ARSG: variants seen among roughly 807,000 people sequenced by gnomAD.
ARSG encodes arylsulfatase G, also known as ASG.
ARSG carries 37 observed loss-of-function variants against 50.5 expected under a neutral mutation model. The ratio of observed to expected loss-of-function variants is 0.73; its 90% confidence interval spans 0.56 to 0.96. The LOEUF is 0.96. Among genes scored for constraint, ARSG ranks in the 50% least tolerant of loss-of-function variants. The probability of loss-of-function intolerance (pLI) is 0.00; values close to 1 mark genes in which losing one functional copy is unlikely to be tolerated. For synonymous variants in ARSG, 225 were observed against 254.6 expected (o/e 0.88, Z 1.11); for missense variants, 629 against 675.3 (o/e 0.93, Z 0.76).
At chr17:68,345,722 C>T (rs1210996057) in intron 3 of ARSG, among the ~76,000 whole-genome samples, 1 of 152,144 alleles carries the variant, frequency 6.6e-6, no homozygotes, top group Admixed American at 6.6e-5. Flanking sequence ...TCCACTTTTC[C>T]CCCTTTCACA....
intron 2 of ARSG, among the ~76,000 whole-genome samples, chr17:68,315,114 G>A (rs1555768049): frequency 6.6e-6 from 1 of 152,192 alleles, no homozygotes; most frequent in Non-Finnish European, 1.5e-5. Flanking sequence ...CACGCCCAGA[G>A]TTGGTGAGTG....
At chr17:68,336,621 G>A (rs1001486695) in intron 2 of ARSG, among the ~76,000 whole-genome samples, 1 of 152,168 alleles carries the variant, frequency 6.6e-6, no homozygotes, top group Non-Finnish European at 1.5e-5. Flanking sequence ...GGGAGGCCAG[G>A]GCGGGAGGAT....
In ARSG at chr17:68,381,927, G is replaced by A. The variant is rs760843667; in HGVS notation, c.983-3137G>A. 5.3e-5 allele frequency among the ~76,000 whole-genome samples: 8 copies of A among 151,440 alleles called. No homozygotes were observed. The highest frequency in any genetic ancestry group is 1.5e-4 in the African/African-American group (6 of 41,204). On this transcript the variant is annotated intron_variant, in intron 8 of 11. Coordinates refer to ENST00000621439, the MANE Select transcript of ARSG (RefSeq NM_001267727.2). The surrounding 1 kb of genome is among the most constrained non-coding windows in gnomAD (Gnocchi z 4.1). Reference sequence around the variant, plus strand: ...GTGCTGGCTGTGTAGTCAGACCGGCGTTCACATCTTGGCTCTATCATTTTC... The same window carrying A: ...GTGCTGGCTGTGTAGTCAGACCGGCATTCACATCTTGGCTCTATCATTTTC...
At chr17:68,339,947 G>T (rs1568488344) in intron 2 of ARSG, among the ~76,000 whole-genome samples, 1 of 152,154 alleles carries the variant, frequency 6.6e-6, no homozygotes, top group Non-Finnish European at 1.5e-5. Flanking sequence ...TATTAGCTGG[G>T]GGATGGGTTG....
At chr17:68,320,543 C>T (rs2077242865) in intron 2 of ARSG, among the ~76,000 whole-genome samples, 1 of 152,176 alleles carries the variant, frequency 6.6e-6, no homozygotes, top group South Asian at 2.1e-4. Context: ...CAAAAGCCCT[C>T]ACTCTCCGGG....
At chr17:68,433,775 T>TG in the ARSG span, among the ~76,000 whole-genome samples, 2 of 61,516 alleles carry the variant, frequency 3.3e-5, no homozygotes, top group African/African-American at 1.0e-4. Flanking sequence ...TTTTTTTTTT[T>TG]TTTTTTTTTT....
Position 68,401,366 on chromosome 17 carries a change from T to C in ARSG, c.1219T>C (p.Phe407Leu), listed in dbSNP as rs531251026. 6.2e-7 allele frequency: 1 copy of C among 1,613,994 alleles called. No homozygotes were observed. Among genetic ancestry groups the C allele is most frequent in the South Asian group, 1.1e-5 (1 of 91,078 alleles). Residue 407 changes from phenylalanine to leucine, a missense_variant, in exon 11 of 12, where the codon TTC becomes CTC. Physicochemically the swap from Phe to Leu is conservative, Grantham distance 22. Transcript: ENST00000621439. ...GRSQPGHRVL[F>L]HPNSGAAGEF... Reference sequence around the variant, plus strand: ...CTCTGCCACCCTTTCTCAGGTGCTGTTCCACCCCAACAGCGGGGCAGCTGG... The same window carrying C: ...CTCTGCCACCCTTTCTCAGGTGCTGCTCCACCCCAACAGCGGGGCAGCTGG...
chr17:68,284,927 A>G (rs1816062284), intron 1 of ARSG, among the ~76,000 whole-genome samples: 1 of 152,118 alleles, frequency 6.6e-6, no homozygotes, highest in Non-Finnish European at 1.5e-5. Flanking sequence ...GTACAACCCC[A>G]TGTCCCCGGA....
intron 1 of ARSG, among the ~76,000 whole-genome samples, chr17:68,300,287 G>A (rs2076363653): frequency 6.6e-6 from 1 of 152,194 alleles, no homozygotes; most frequent in Non-Finnish European, 1.5e-5. Context: ...TGGAGAGGGA[G>A]GCTAAGGGAA....
intron 6 of ARSG, among the ~76,000 whole-genome samples, chr17:68,358,934 C>T (rs1052792426): frequency 2.0e-5 from 3 of 152,128 alleles, no homozygotes; most frequent in Non-Finnish European, 4.4e-5. Flanking sequence ...GAGGCTGAGG[C>T]AGGTGGATCA....
At chr17:68,427,417 C>A (rs773084474), downstream of ARSG, 1 of 495,140 alleles carries the variant, frequency 2.0e-6, no homozygotes, top group Non-Finnish European at 3.6e-6. Flanking sequence ...AGTGCAGTGG[C>A]GCAATCTCGG....
At chr17:68,314,046 C>A (rs1458257157) in intron 2 of ARSG, among the ~76,000 whole-genome samples, 4 of 152,018 alleles carry the variant, frequency 2.6e-5, no homozygotes, top group Non-Finnish European at 5.9e-5. Flanking sequence ...CAGTATCTGT[C>A]GCATTAAAGA....
intron 1 of ARSG, among the ~76,000 whole-genome samples, chr17:68,294,608 AC>A (rs1375494459): frequency 6.6e-6 from 1 of 151,970 alleles, no homozygotes; most frequent in Non-Finnish European, 1.5e-5. Context: ...TCGATGGCCC[AC>A]CCACCCTTCC....
chr17:68,426,254 G>GGCC (rs1445054523), downstream of ARSG: 3 of 816,890 alleles, frequency 3.7e-6, no homozygotes, highest in East Asian at 3.5e-5. Context: ...GGGAGCGGGG[G>GGCC]CTCAAATAAA....
chr17:68,347,248 A>T lies in ARSG; in HGVS notation c.454+76A>T, dbSNP rs985062988. ...TCTGTGTAAGACTCCATGAACAGCT[A>T]AGCCATCCTGTCTCTGGGGGCAACC... On this transcript the variant is annotated intron_variant, in intron 4 of 11. Transcript: ENST00000621439. The T allele has an allele frequency of 7.2e-6, 11 of 1,519,282 alleles. No individual in the cohort carries two copies. The African/African-American group carries it at 1.5e-4, about 21-fold the overall frequency. 94.1% of individuals were successfully genotyped at this position (1,519,282 alleles called of 1,614,324 possible). A position where few individuals can be genotyped will look rare whatever the true frequency, so the allele number is the denominator to read the frequency against.
chr17:68,338,846 T>C (rs2078143580), intron 2 of ARSG, among the ~76,000 whole-genome samples: 1 of 152,244 alleles, frequency 6.6e-6, no homozygotes, highest in African/African-American at 2.4e-5. Context: ...CGTTTGAAAA[T>C]GAAACTGGAA....
At chr17:68,311,586 A>G (rs2076855605) in intron 2 of ARSG, among the ~76,000 whole-genome samples, 1 of 152,048 alleles carries the variant, frequency 6.6e-6, no homozygotes, top group Admixed American at 6.6e-5. Flanking sequence ...TCCTTATAAG[A>G]AGAGGAGAAG....
chr17:68,423,339 T>C (rs1482079315), downstream of ARSG, among the ~76,000 whole-genome samples: 1 of 152,184 alleles, frequency 6.6e-6, no homozygotes, highest in Non-Finnish European at 1.5e-5. This position sits in a 1 kb window ranked among gnomAD's most constrained non-coding sequence, Gnocchi z 4.4. Flanking sequence ...CATGCATGCC[T>C]CTGGTCCTTA....
rs139025110 is a variant in ARSG at position 68,322,682 on chromosome 17, G to A, written c.218+14971G>A. On this transcript the variant is annotated intron_variant, in intron 2 of 11. Transcript: ENST00000621439. ...AGATAGCTGTTCCCAAGATGAGGACGTTAACAAGCCCACGGGGAGATTACA... is the reference window on the plus strand; with the variant it reads ...AGATAGCTGTTCCCAAGATGAGGACATTAACAAGCCCACGGGGAGATTACA... 1.6e-3 allele frequency among the ~76,000 whole-genome samples: 239 copies of A among 152,100 alleles called. 1 individual carries two copies. Among genetic ancestry groups the A allele is most frequent in the African/African-American group, 5.2e-3 (218 of 41,524 alleles).
Sources: allele counts gnomAD v4.1 joint callset (sites outside exome capture counted in the v4.1 genomes callset), GRCh38; gene constraint gnomAD v4.1.1; non-coding constraint Gnocchi (gnomAD v3.1); transcripts MANE v1.5; gene names NCBI Gene and HGNC (gene_info 2026-07-23, HGNC 2026-07-21).